Variants in KCNMA1 observed in about 807,000 individuals in gnomAD.
The protein encoded by KCNMA1 is potassium calcium-activated channel subfamily M alpha 1.
A neutral mutation model predicts 140.0 loss-of-function variants in KCNMA1; 29 were observed. The ratio of observed to expected loss-of-function variants is 0.21; its 90% CI spans 0.15 to 0.28. KCNMA1 has a LOEUF of 0.28. Among genes scored for constraint, KCNMA1 ranks in the 10% least tolerant of loss-of-function variants. KCNMA1 has a pLI of 1.00. For missense variants in KCNMA1, 880 were observed against 1,602.2 expected, an observed-to-expected ratio of 0.55 and a Z score of 7.70; for synonymous variants, 612 against 611.9, an observed-to-expected ratio of 1.00 and a Z score of 0.00.
chr10:76,955,433 T>G (rs1168550109), intron 20 of KCNMA1, among the ~76,000 whole-genome samples: 2 of 152,158 alleles, frequency 1.3e-5, no homozygotes, highest in Admixed American at 6.5e-5. Context: ...CTCACTGCCT[T>G]TATTTATGCC....
chr10:77,089,617 T>G (rs990990640), intron 10 of KCNMA1, among the ~76,000 whole-genome samples: 1 of 152,170 alleles, frequency 6.6e-6, no homozygotes, highest in Non-Finnish European at 1.5e-5. Context: ...ACCAAATATA[T>G]GTTATTTTTC....
At chr10:76,900,384 G>A (rs757609850) in intron 25 of KCNMA1, among the ~76,000 whole-genome samples, 10 of 151,968 alleles carry the variant, frequency 6.6e-5, no homozygotes, top group South Asian at 2.1e-4. Context: ...ACTGATAGAC[G>A]TATTTATGTG....
chr10:77,545,151 T>C (rs1281710436), intron 1 of KCNMA1, among the ~76,000 whole-genome samples: 1 of 152,210 alleles, frequency 6.6e-6, no homozygotes, highest in African/African-American at 2.4e-5. Flanking sequence ...TTCCTAATAG[T>C]TGGGTTCCTC....
At chr10:77,631,106 C>CAA (rs397944676) in intron 1 of KCNMA1, among the ~76,000 whole-genome samples, 75 of 61,174 alleles carry the variant, frequency 1.2e-3, no homozygotes, top group Admixed American at 1.7e-3. Flanking sequence ...GACCCTGTCC[C>CAA]AAAAAAAAAA....
At chr10:77,295,437 G>A (rs1433757263) in intron 2 of KCNMA1, among the ~76,000 whole-genome samples, 1 of 151,764 alleles carries the variant, frequency 6.6e-6, no homozygotes, top group African/African-American at 2.4e-5. Flanking sequence ...GTGCACATAC[G>A]CTTGTATGTG....
chr10:77,382,861 G>A (rs1253300235), intron 2 of KCNMA1, among the ~76,000 whole-genome samples: 1 of 38,446 alleles, frequency 2.6e-5, no homozygotes, highest in Admixed American at 4.8e-4. Context: ...GCAAAGCTCC[G>A]TCTCAAAAAA....
At chr10:77,202,460 T>C in intron 3 of KCNMA1, among the ~76,000 whole-genome samples, 1 of 152,266 alleles carries the variant, frequency 6.6e-6, no homozygotes, top group East Asian at 1.9e-4. Flanking sequence ...GCAACTGATG[T>C]GATAATGACT....
chr10:77,276,706 G>A (rs2066781307), intron 2 of KCNMA1, among the ~76,000 whole-genome samples: 1 of 152,098 alleles, frequency 6.6e-6, no homozygotes, highest in African/African-American at 2.4e-5. Flanking sequence ...AAAGGCTGGG[G>A]ACTGGGCCTG....
chr10:77,025,236 G>GTA (rs1594012705), intron 16 of KCNMA1, among the ~76,000 whole-genome samples: 1 of 12,916 alleles, frequency 7.7e-5, no homozygotes, highest in East Asian at 6.3e-3. Context: ...GGAGAGGGGT[G>GTA]TGTGTGTATA....
chr10:77,262,970 G>A (rs1181482990), intron 2 of KCNMA1, among the ~76,000 whole-genome samples: 2 of 152,178 alleles, frequency 1.3e-5, no homozygotes, highest in Non-Finnish European at 2.9e-5. Flanking sequence ...CCTTACAAAT[G>A]GCTGAAATGG....
chr10:77,096,843 C>A (rs1433881292), intron 9 of KCNMA1, among the ~76,000 whole-genome samples: 1 of 152,142 alleles, frequency 6.6e-6, no homozygotes, highest in Non-Finnish European at 1.5e-5. Flanking sequence ...TGTCTTTCTG[C>A]TGAGCCTTCT....
At chr10:77,290,280 A>G (rs1468912200) in intron 2 of KCNMA1, among the ~76,000 whole-genome samples, 1 of 152,254 alleles carries the variant, frequency 6.6e-6, no homozygotes, top group Non-Finnish European at 1.5e-5. Flanking sequence ...TTGATTATCT[A>G]ACAAAATTTT....
At chr10:77,094,608 C>A (rs2096885185) in intron 9 of KCNMA1, among the ~76,000 whole-genome samples, 1 of 152,182 alleles carries the variant, frequency 6.6e-6, no homozygotes, top group Admixed American at 6.5e-5. Context: ...TTCCACCGGT[C>A]AGGAACTCTA....
chr10:77,122,379 T>A lies in KCNMA1; in HGVS notation c.809-1331A>T, dbSNP rs1328081442. On this transcript the variant is annotated intron_variant, in intron 5 of 27. Transcript: ENST00000286628. ...TGCTAAATAATACTTATATAACTTTTATTAAATAATTGCAGAGATGAGACG... is the reference window on the plus strand; with the variant it reads ...TGCTAAATAATACTTATATAACTTTAATTAAATAATTGCAGAGATGAGACG... Among the ~76,000 whole-genome samples, 6 of 152,306 alleles carry A rather than the reference T, an allele frequency of 3.9e-5. No homozygotes were observed. In the South Asian group the frequency reaches 1.0e-3, roughly 26 times the overall value.
intron 3 of KCNMA1, 28 bp downstream of exon 3, chr10:77,251,167 G>T (rs761287998): frequency 2.6e-6 from 4 of 1,539,470 alleles, no homozygotes; most frequent in Non-Finnish European, 3.6e-6. Context: ...TATGAAACGA[G>T]GGCAAGAAAG....
At chr10:77,302,449 G>A (rs548342146) in intron 2 of KCNMA1, among the ~76,000 whole-genome samples, 1 of 152,048 alleles carries the variant, frequency 6.6e-6, no homozygotes. Context: ...GCATTGCTCG[G>A]GTCCAGGCCC....
intron 3 of KCNMA1, among the ~76,000 whole-genome samples, chr10:77,238,632 A>G (rs2056362496): frequency 6.6e-6 from 1 of 152,172 alleles, no homozygotes; most frequent in African/African-American, 2.4e-5. Flanking sequence ...AACACAGCAG[A>G]GACTTTCACT....
intron 2 of KCNMA1, among the ~76,000 whole-genome samples, chr10:77,379,038 T>C (rs571560106): frequency 6.6e-6 from 1 of 152,336 alleles, no homozygotes; most frequent in South Asian, 2.1e-4. Flanking sequence ...GTCTGGTTTC[T>C]AGAAGTTCTT....
intron 1 of KCNMA1, among the ~76,000 whole-genome samples, chr10:77,588,278 A>G (rs1448594829): frequency 6.6e-6 from 1 of 152,202 alleles, no homozygotes. Context: ...GAAAGGGGCA[A>G]GGTAGGAAGT....
Sources: allele counts gnomAD v4.1 joint callset (sites outside exome capture counted in the v4.1 genomes callset), GRCh38; gene constraint gnomAD v4.1.1; transcripts MANE v1.5; gene names NCBI Gene and HGNC (gene_info 2026-07-23, HGNC 2026-07-21).